Variants in NBAS observed in about 807,000 individuals in gnomAD.
The protein encoded by NBAS is NAG/BC035112 fusion.
NBAS carries 219 observed loss-of-function variants against 302.5 expected under a neutral mutation model. The observed-to-expected ratio is 0.72, with a 90% confidence interval of 0.65 to 0.81. The LOEUF is 0.81. Among genes scored for constraint, NBAS ranks in the 30% least tolerant of loss-of-function variants. The pLI is 0.00. For missense variants in NBAS, 2,932 were observed against 2,841.6 expected (o/e 1.03, Z -0.72); for synonymous variants, 1,118 against 1,021.6 (o/e 1.09, Z -1.80).
intron 32 of NBAS, among the ~76,000 whole-genome samples, chr2:15,362,603 T>C (rs946237240): frequency 2.6e-5 from 4 of 152,192 alleles, no homozygotes; most frequent in Admixed American, 2.0e-4. Context: ...CAGTAACATA[T>C]ATTGGAAACG....
Position 15,275,816 on chromosome 2 carries a change from G to T in NBAS, c.5392C>A (p.Leu1798Ile). 2 of 1,611,850 alleles carry T rather than the reference G, an allele frequency of 1.2e-6. No homozygotes were observed. The highest frequency in any genetic ancestry group is 1.1e-5 in the South Asian group (1 of 91,032). ...TCATCTGTCAGCTTTTTGTAATTAA[G>T]ACCTAGCAGAAAAAAAAAGAAAGTA... Reference protein sequence around the residue: ...LKKFKVVASGLNYKKLTDENM... With the variant: ...LKKFKVVASGINYKKLTDENM... Residue 1798 changes from leucine to isoleucine, a missense_variant and splice_region_variant, in exon 44 of 52, where the codon CTT (leucine) becomes ATT (isoleucine). Leu to Ile is a conservative substitution (Grantham distance 5, BLOSUM62 2). Transcript: ENST00000281513.
chr2:14,956,758 C>T, the NBAS span, among the ~76,000 whole-genome samples: 9 of 152,090 alleles, frequency 5.9e-5, no homozygotes, highest in African/African-American at 2.2e-4. Context: ...AAACCACCCC[C>T]CAAGATTCAA....
the NBAS span, among the ~76,000 whole-genome samples, chr2:14,980,986 G>T: frequency 6.6e-6 from 1 of 151,108 alleles, no homozygotes; most frequent in South Asian, 2.1e-4. Context: ...AGACAAAGAG[G>T]AGAGAAAGAT....
At chr2:14,908,344 C>G in the NBAS span, among the ~76,000 whole-genome samples, 1 of 152,276 alleles carries the variant, frequency 6.6e-6, no homozygotes, top group Non-Finnish European at 1.5e-5. Flanking sequence ...GCCTGGGTGA[C>G]AGAGCGAGAC....
chr2:14,880,039 G>C, the NBAS span, among the ~76,000 whole-genome samples: 9 of 152,316 alleles, frequency 5.9e-5, no homozygotes, highest in East Asian at 1.2e-3. Context: ...CAACCTGAAA[G>C]AAGAGCCATT....
the NBAS span, among the ~76,000 whole-genome samples, chr2:15,086,097 G>A: frequency 6.6e-6 from 1 of 152,084 alleles, no homozygotes; most frequent in African/African-American, 2.4e-5. Flanking sequence ...GTGGGGACTT[G>A]TGTTGCCTTT....
At position 15,511,361 on chromosome 2, in the gene NBAS, G is replaced by C. The variant is rs931389835; in HGVS notation, c.747-11C>G. The C allele has an allele frequency of 4.3e-6, 7 of 1,612,542 alleles. No homozygotes were observed. Among genetic ancestry groups the C allele is most frequent in the Non-Finnish European group, 5.1e-6 (6 of 1,179,102 alleles). The stretch of plus-strand genomic sequence containing the variant: ...CCAACAAGTAAAAGTCTAAAAAGGA[G>C]AAAATTTTTAAAAATCGATAAATTG... On this transcript the variant is annotated splice_polypyrimidine_tract_variant and intron_variant, in intron 9 of 51. Coordinates refer to ENST00000281513, the MANE Select transcript of NBAS (RefSeq NM_015909.4).
At chr2:15,249,418 C>CCT (rs761437577) in intron 44 of NBAS, among the ~76,000 whole-genome samples, 1 of 152,140 alleles carries the variant, frequency 6.6e-6, no homozygotes, top group Non-Finnish European at 1.5e-5. Context: ...ACAAGGATGC[C>CCT]CTCTCTCACC....
the NBAS span, among the ~76,000 whole-genome samples, chr2:14,957,521 TTCTTGGGCTCC>T: frequency 7.8e-4 from 119 of 152,298 alleles, 1 homozygote; most frequent in Non-Finnish European, 3.1e-4. Flanking sequence ...ACTAGGTTGT[TTCTTGGGCTCC>T]TCCAATTTTA....
chr2:15,469,931 A>G lies in NBAS; in HGVS notation c.1726-1398T>C, dbSNP rs1263480753. ...CAGCACACCACCATGGCACATGTAT[A>G]CATATGTAACAAACCTGCACGTTGT... On this transcript the variant is annotated intron_variant, in intron 16 of 51. Transcript: ENST00000281513. Among the ~76,000 whole-genome samples the G allele has an allele frequency of 3.3e-5, 5 of 152,046 alleles. No homozygotes were observed. In the East Asian group the frequency reaches 5.8e-4, roughly 18 times the overall value.
chr2:15,341,002 T>C (rs1672822096), intron 35 of NBAS, among the ~76,000 whole-genome samples: 2 of 152,090 alleles, frequency 1.3e-5, no homozygotes, highest in African/African-American at 2.4e-5. Flanking sequence ...CAATACTAAG[T>C]ATAAACTAAA....
chr2:15,438,125 T>C (rs78587123), intron 21 of NBAS, among the ~76,000 whole-genome samples: 1,937 of 152,338 alleles, frequency 0.013, 31 homozygotes, highest in East Asian at 0.06. Flanking sequence ...TGTGTTAAAA[T>C]ATACTGTATT....
chr2:15,205,784 CCTCT>C (rs954198061), intron 48 of NBAS, among the ~76,000 whole-genome samples: 2 of 152,080 alleles, frequency 1.3e-5, no homozygotes, highest in Admixed American at 6.5e-5. Context: ...CCTTCCACCC[CCTCT>C]CTCTCCTGCT....
At chr2:15,018,457 T>C in the NBAS span, among the ~76,000 whole-genome samples, 36 of 152,000 alleles carry the variant, frequency 2.4e-4, no homozygotes, top group African/African-American at 8.2e-4. Context: ...AATCAATTAA[T>C]TAATAATGTT....
chr2:15,333,131 C>T lies in NBAS; in HGVS notation c.4180-2366G>A, dbSNP rs1360439002. ...CGAAGAGAGATCATTATATCCTCTG[C>T]CTGGAGGCACGATCACAGAAGGCTT... is the stretch of plus-strand genomic sequence containing the variant. On this transcript the variant is annotated intron_variant, in intron 35 of 51. Coordinates refer to ENST00000281513, the MANE Select transcript of NBAS (RefSeq NM_015909.4). Among the ~76,000 whole-genome samples, 8 of 152,158 alleles carry T rather than the reference C, an allele frequency of 5.3e-5. No individual in the cohort carries two copies. The South Asian group carries it at 1.7e-3, about 32-fold the overall frequency.
In NBAS at chr2:15,185,915, A is replaced by C. The variant is rs1348608746; in HGVS notation, c.6711+827T>G. ...TTATTTTCAAGTTTATCTCCTACATAGTAGGAATGCAAAATCAATTTAATG... is the reference window on the plus strand; with the variant it reads ...TTATTTTCAAGTTTATCTCCTACATCGTAGGAATGCAAAATCAATTTAATG... On this transcript the variant is annotated intron_variant, in intron 50 of 51. Transcript: ENST00000281513. Among the ~76,000 whole-genome samples the C allele has an allele frequency of 2.0e-5, 3 of 152,280 alleles. No individual in the cohort carries two copies. The East Asian group carries it at 5.8e-4, about 29-fold the overall frequency.
Position 15,402,245 on chromosome 2 carries a change from G to A in NBAS, c.2994C>T (p.Cys998=), listed in dbSNP as rs1181110899. The A allele has an allele frequency of 6.2e-7, 1 of 1,613,354 alleles. No individual in the cohort carries two copies. The highest frequency in any genetic ancestry group is 8.5e-7 in the Non-Finnish European group (1 of 1,179,614). ...QDQLMAIALE[C]IYTCERNDQL... is the part of the protein sequence containing the mutation. ...GATCATTTCGTTCACAGGTATAGAT[G>A]CACTCTAGTGCTATTGCCATCAGTT... Residue 998 remains cysteine (C), a synonymous_variant, in exon 26 of 52, where the codon TGC becomes TGT. Transcript: ENST00000281513.
intron 31 of NBAS, among the ~76,000 whole-genome samples, chr2:15,369,816 T>A (rs558464129): frequency 3.4e-4 from 52 of 151,770 alleles, no homozygotes; most frequent in African/African-American, 1.2e-3. Context: ...AACACACGTA[T>A]ACACACACAC....
chr2:15,511,857 T>A (rs1662158758), intron 9 of NBAS, among the ~76,000 whole-genome samples: 1 of 152,226 alleles, frequency 6.6e-6, no homozygotes, highest in African/African-American at 2.4e-5. Context: ...AGTGGTTCAC[T>A]TTTCTGTTTG....
Sources: gnomAD v4.1 joint callset for allele counts (sites outside exome capture counted in the v4.1 genomes callset) on GRCh38, gnomAD v4.1.1 for gene constraint, MANE v1.5 for transcripts, NCBI Gene and HGNC (gene_info 2026-07-23, HGNC 2026-07-21) for gene names.